IER5: variants seen among roughly 807,000 people sequenced by gnomAD.
IER5 encodes immediate early response gene 5 protein.
Under a neutral mutation model 8.2 loss-of-function variants are expected in IER5, and 3 were observed. The observed-to-expected ratio is 0.36, with a 90% CI of 0.17 to 0.94. The LOEUF is 0.94. IER5 is among the 40% of genes least tolerant of loss of function. IER5 has a pLI of 0.43. For missense variants in IER5, 531 were observed against 494.3 expected, an observed-to-expected ratio of 1.07 and a Z score of -0.70; for synonymous variants, 286 against 230.1, an observed-to-expected ratio of 1.24 and a Z score of -2.20.
chr1:181,089,275 G>A lies in IER5; in HGVS notation c.373G>A (p.Val125Ile). ...DEVPVATVTG[V>I]GDVFQGGEAD... Reference sequence around the variant, plus strand: ...GGTGCCGGTGGCCACGGTGACTGGAGTCGGGGACGTTTTTCAGGGCGGAGA... The same window carrying A: ...GGTGCCGGTGGCCACGGTGACTGGAATCGGGGACGTTTTTCAGGGCGGAGA... Residue 125 changes from valine to isoleucine, a missense_variant, in exon 1 of 1, where the codon GTC (valine) becomes ATC (isoleucine). By Grantham distance (29) the Val-to-Ile change is conservative. Coordinates refer to ENST00000367577, the MANE Select transcript of IER5 (RefSeq NM_016545.5). The A allele has an allele frequency of 2.6e-6, 4 of 1,559,498 alleles. No homozygotes were observed. The highest frequency in any genetic ancestry group is 1.2e-5 in the South Asian group (1 of 85,826).
Position 181,089,085 on chromosome 1 carries a change from T to C in IER5, c.183T>C (p.Ala61=). Residue 61 remains alanine, a synonymous_variant, in exon 1 of 1, where the codon GCT becomes GCC. Coordinates refer to ENST00000367577, the MANE Select transcript of IER5 (RefSeq NM_016545.5). ...PCPGLYLAGP[A]GTPAPPPQQQ... ...CCGGCCTCTACCTGGCCGGTCCCGC[T>C]GGGACCCCGGCGCCGCCACCGCAGC... The C allele has an allele frequency of 6.5e-7, 1 of 1,537,960 alleles. No homozygotes were observed. Among genetic ancestry groups the C allele is most frequent in the Non-Finnish European group, 8.7e-7 (1 of 1,145,574 alleles).
rs1486517898 is a variant in IER5, at chr1:181,090,330, C to T, written c.*444C>T. On this transcript the variant is annotated 3_prime_UTR_variant, in exon 1 of 1. Coordinates refer to ENST00000367577, the MANE Select transcript of IER5 (RefSeq NM_016545.5). ...TTTACACCTACCCCTCACCGGAAAG[C>T]TAGACCCGCTTCAGGGCCAGGAGTG... 5.2e-6 allele frequency: 1 copy of T among 191,848 alleles called. No homozygotes were observed. Among genetic ancestry groups the T allele is most frequent in the Admixed American group, 6.4e-5 (1 of 15,626 alleles). 11.9% of individuals were successfully genotyped at this position (191,848 alleles called of 1,614,324 possible). A position where few individuals can be genotyped will look rare whatever the true frequency, so the allele number is the denominator to read the frequency against.
In IER5 at chr1:181,089,601, G is replaced by C; in HGVS notation, c.699G>C (p.Ala233=). 2 of 1,601,484 alleles carry C rather than the reference G, an allele frequency of 1.2e-6. No individual in the cohort carries two copies. The highest frequency in any genetic ancestry group is 8.5e-7 in the Non-Finnish European group (1 of 1,175,102). ...GCGGCGGCCCAGCGGGCTGCCCGGCGCCCGGCTCGACCCCGCTCAAGAAGC... is the reference window on the plus strand; with the variant it reads ...GCGGCGGCCCAGCGGGCTGCCCGGCCCCCGGCTCGACCCCGCTCAAGAAGC... ...GVGGGPAGCP[A]PGSTPLKKPR... The change falls in exon 1 of 1, where the codon GCG becomes GCC. Residue 233 remains alanine (A), a synonymous_variant. Transcript: ENST00000367577.
At position 181,091,806 on chromosome 1, in the gene IER5, T is replaced by G. The variant is rs183366823; in HGVS notation, c.*1920T>G. ...GGAGAGATTGAAGAAAGACAAAGGT[T>G]TAAAGGTCATAGCCTTCGAGCATAA... On this transcript the variant is annotated 3_prime_UTR_variant, in exon 1 of 1. Coordinates refer to ENST00000367577, the MANE Select transcript of IER5 (RefSeq NM_016545.5). 1.3e-5 allele frequency: 2 copies of G among 152,338 alleles called. No individual in the cohort carries two copies. Among genetic ancestry groups the G allele is most frequent in the Admixed American group, 1.3e-4 (2 of 15,296 alleles). 9.4% of individuals were successfully genotyped at this position (152,338 alleles called of 1,614,324 possible).
chr1:181,089,531 C>T lies in IER5; in HGVS notation c.629C>T (p.Ala210Val), dbSNP rs1659416278. 5 of 1,281,916 alleles carry T rather than the reference C, an allele frequency of 3.9e-6. 1 individual carries two copies. Among genetic ancestry groups the T allele is most frequent in the Admixed American group, 8.2e-5 (2 of 24,460 alleles). The allele number at this position is 1,281,916 out of a possible 1,614,324, so 79.4% of individuals were successfully genotyped here. A position where few individuals can be genotyped will look rare whatever the true frequency, so the allele number is the denominator to read the frequency against. ...CAACCAGCGGAGGACGAGCCCCCCGCGCCGCCCGCGGTGTGCCCCAGGAAG... is the reference window on the plus strand; with the variant it reads ...CAACCAGCGGAGGACGAGCCCCCCGTGCCGCCCGCGGTGTGCCCCAGGAAG... ...APQPAEDEPP[A>V]PPAVCPRKRC... The change falls in exon 1 of 1, where the codon GCG (alanine) becomes GTG (valine). Residue 210 changes from alanine (A) to valine (V), a missense_variant. Physicochemically the swap from Ala to Val is moderately conservative, Grantham distance 64. Coordinates refer to ENST00000367577, the MANE Select transcript of IER5 (RefSeq NM_016545.5).
Position 181,091,064 on chromosome 1 carries a change from G to A in IER5, c.*1178G>A, listed in dbSNP as rs1308045957. The A allele has an allele frequency of 6.6e-6, 1 of 152,050 alleles. No homozygotes were observed. Among genetic ancestry groups the A allele is most frequent in the Admixed American group, 6.6e-5 (1 of 15,264 alleles). The allele number at this position is 152,050 out of a possible 1,614,324, so 9.4% of individuals were successfully genotyped here. On this transcript the variant is annotated 3_prime_UTR_variant, in exon 1 of 1. Transcript: ENST00000367577. The stretch of plus-strand genomic sequence containing the variant: ...GATACTAATATCGGCGACCTGTCAG[G>A]TTCTAGAAACCTGCCACTACAACTG...
Position 181,089,494 on chromosome 1 carries a change from T to A in IER5, c.592T>A (p.Cys198Ser). 1 of 1,326,394 alleles carries A rather than the reference T, an allele frequency of 7.5e-7. No homozygotes were observed. The highest frequency in any genetic ancestry group is 9.6e-7 in the Non-Finnish European group (1 of 1,036,484). The allele number at this position is 1,326,394 out of a possible 1,614,324, so 82.2% of individuals were successfully genotyped here. ...GGCCGCGACCCCCCGCGCTGCCTGC[T>A]GCTGCGCGCCGCAACCAGCGGAGGA... ...TPAATPRAAC[C>S]CAPQPAEDEP... Residue 198 changes from cysteine to serine, a missense_variant, in exon 1 of 1, where the codon TGC becomes AGC. By Grantham distance (112) the Cys-to-Ser change is moderately radical (BLOSUM62 -1). Transcript: ENST00000367577.
rs1659385267 is a variant in IER5 at position 181,088,717 on chromosome 1, G to A, written c.-186G>A. ...GCTGCCCTGTTTAGCGACCGGACCC[G>A]AAACGGGGAAGTTGTCTTGTTTGGA... On this transcript the variant is annotated 5_prime_UTR_variant, in exon 1 of 1. Coordinates refer to ENST00000367577, the MANE Select transcript of IER5 (RefSeq NM_016545.5). 2.5e-5 allele frequency: 15 copies of A among 592,264 alleles called. No homozygotes were observed. In the East Asian group the frequency reaches 4.0e-4, roughly 16 times the overall value. The allele number at this position is 592,264 out of a possible 1,614,324, so 36.7% of individuals were successfully genotyped here.
rs141671790 is a variant in IER5, at chr1:181,089,954, C to T, written c.*68C>T. On this transcript the variant is annotated 3_prime_UTR_variant, in exon 1 of 1. Transcript: ENST00000367577. ...CCCCGAAGTGAGGGCCAGGCCCTTC[C>T]CGGCTGCGAGGACGCCCAGAGACCG... The T allele has an allele frequency of 4.8e-3, 7,535 of 1,559,154 alleles. 18 individuals carry two copies. The highest frequency in any genetic ancestry group is 6.0e-3 in the Non-Finnish European group (6,990 of 1,156,490).
chr1:181,089,290 C>G lies in IER5; in HGVS notation c.388C>G (p.Gln130Glu). ...GGTGACTGGAGTCGGGGACGTTTTT[C>G]AGGGCGGAGAGGCGGACGCGACGGA... ...ATVTGVGDVF[Q>E]GGEADATEAA... The change falls in exon 1 of 1, where the codon CAG becomes GAG. Residue 130 changes from glutamine (Q) to glutamate (E), a missense_variant. By Grantham distance (29) the Gln-to-Glu change is conservative. Coordinates refer to ENST00000367577, the MANE Select transcript of IER5 (RefSeq NM_016545.5). The G allele has an allele frequency of 6.4e-7, 1 of 1,557,586 alleles. No individual in the cohort carries two copies. The highest frequency in any genetic ancestry group is 8.7e-7 in the Non-Finnish European group (1 of 1,154,122).
chr1:181,089,838 G>C lies in IER5; in HGVS notation c.936G>C (p.Pro312=), dbSNP rs1213089124. The C allele has an allele frequency of 6.2e-7, 1 of 1,613,518 alleles. No individual in the cohort carries two copies. Among genetic ancestry groups the C allele is most frequent in the African/African-American group, 1.3e-5 (1 of 74,938 alleles). ...AEPGQICCDK[P]VLRDMNPWST... ...CCGGGCAGATCTGCTGCGATAAGCCGGTGCTGAGAGACATGAACCCCTGGA... is the reference window on the plus strand; with the variant it reads ...CCGGGCAGATCTGCTGCGATAAGCCCGTGCTGAGAGACATGAACCCCTGGA... The change falls in exon 1 of 1, where the codon CCG becomes CCC. Residue 312 remains proline, a synonymous_variant. Coordinates refer to ENST00000367577, the MANE Select transcript of IER5 (RefSeq NM_016545.5).
chr1:181,088,836 C>T lies in IER5; in HGVS notation c.-67C>T, dbSNP rs958405033. On this transcript the variant is annotated 5_prime_UTR_variant, in exon 1 of 1. Transcript: ENST00000367577. ...TGCCCAGGGGGCGGACTTGTTTGCG[C>T]CTCCCGTTCCCTCCCAATTTCCAAA... 7 of 1,539,572 alleles carry T rather than the reference C, an allele frequency of 4.5e-6. No homozygotes were observed. The South Asian group carries it at 6.8e-5, about 15-fold the overall frequency.
rs1475635256 is a variant in IER5 at position 181,090,048 on chromosome 1, CTT to C, written c.*163_*164del. On this transcript the variant is annotated 3_prime_UTR_variant, in exon 1 of 1. Transcript: ENST00000367577. Reference sequence around the variant, plus strand: ...GCAAACTGCCCCCGGGCGCATCTGGCTTATCTGGAGACCTGGGAGCTTGAGGC... The same window carrying C: ...GCAAACTGCCCCCGGGCGCATCTGGCATCTGGAGACCTGGGAGCTTGAGGC... The C allele has an allele frequency of 9.6e-6, 8 of 837,000 alleles. No homozygotes were observed. In the East Asian group the frequency reaches 2.1e-4, roughly 22 times the overall value. The allele number at this position is 837,000 out of a possible 1,614,324, so 51.8% of individuals were successfully genotyped here.
chr1:181,091,256 GAAA>G lies in IER5; in HGVS notation c.*1379_*1381del, dbSNP rs60601152. On this transcript the variant is annotated 3_prime_UTR_variant, in exon 1 of 1. Transcript: ENST00000367577. The stretch of plus-strand genomic sequence containing the variant: ...CGGGTCATCTTTTAGCTTTGTAATT[GAAA>G]AAAAAAAAGTTTAGATAGTAGTTTA... The G allele has an allele frequency of 6.9e-6, 1 of 144,012 alleles. No homozygotes were observed. The highest frequency in any genetic ancestry group is 2.6e-5 in the African/African-American group (1 of 39,194). The allele number at this position is 144,012 out of a possible 1,614,324, so 8.9% of individuals were successfully genotyped here.
At position 181,088,825 on chromosome 1, in the gene IER5, A is replaced by G; in HGVS notation, c.-78A>G. The G allele has an allele frequency of 1.9e-6, 2 of 1,026,318 alleles. No homozygotes were observed. Among genetic ancestry groups the G allele is most frequent in the Non-Finnish European group, 1.4e-6 (1 of 716,682 alleles). 63.6% of individuals were successfully genotyped at this position (1,026,318 alleles called of 1,614,324 possible). A position where few individuals can be genotyped will look rare whatever the true frequency, so the allele number is the denominator to read the frequency against. ...GATCGAGGGTGTGCCCAGGGGGCGG[A>G]CTTGTTTGCGCCTCCCGTTCCCTCC... is the stretch of plus-strand genomic sequence containing the variant. On this transcript the variant is annotated 5_prime_UTR_variant, in exon 1 of 1. Coordinates refer to ENST00000367577, the MANE Select transcript of IER5 (RefSeq NM_016545.5).
Position 181,089,751 on chromosome 1 carries a change from A to G in IER5, c.849A>G (p.Lys283=). The change falls in exon 1 of 1, where the codon AAA becomes AAG. Residue 283 remains lysine (K), a synonymous_variant. Coordinates refer to ENST00000367577, the MANE Select transcript of IER5 (RefSeq NM_016545.5). ...CCAGTTTCTCGGGACTCCTACGGAA[A>G]AGCCCCGGGGGCGGCAGAGAGGAAG... is the stretch of plus-strand genomic sequence containing the variant. ...FGSSFSGLLR[K]SPGGGREEEE... The G allele has an allele frequency of 1.2e-6, 2 of 1,613,916 alleles. No individual in the cohort carries two copies. Among genetic ancestry groups the G allele is most frequent in the Non-Finnish European group, 1.7e-6 (2 of 1,179,968 alleles).
rs1558134521 is a variant in IER5, at chr1:181,089,601, G to GCCCGGCT, written c.701_707dup (p.Thr237ArgfsTer34). 1.2e-6 allele frequency: 2 copies of GCCCGGCT among 1,601,484 alleles called. No homozygotes were observed. Among genetic ancestry groups the GCCCGGCT allele is most frequent in the Non-Finnish European group, 8.5e-7 (1 of 1,175,102 alleles). On this transcript the variant is annotated frameshift_variant, in exon 1 of 1. Coordinates refer to ENST00000367577, the MANE Select transcript of IER5 (RefSeq NM_016545.5). LOFTEE classifies it high-confidence loss of function. ...GCGGCGGCCCAGCGGGCTGCCCGGC[G>GCCCGGCT]CCCGGCTCGACCCCGCTCAAGAAGC...
At position 181,089,055 on chromosome 1, in the gene IER5, G is replaced by C. The variant is rs61809229; in HGVS notation, c.153G>C (p.Pro51=). ...CCCGCCAAGTCTACCTGAGCGACCCGTGCCCCGGCCTCTACCTGGCCGGTC... is the reference window on the plus strand; with the variant it reads ...CCCGCCAAGTCTACCTGAGCGACCCCTGCCCCGGCCTCTACCTGGCCGGTC... ...RSARQVYLSD[P]CPGLYLAGPA... is the part of the protein sequence containing the mutation. The change falls in exon 1 of 1, where the codon CCG becomes CCC. Residue 51 remains proline (P), a synonymous_variant. Transcript: ENST00000367577. The C allele has an allele frequency of 6.2e-7, 1 of 1,604,272 alleles. No individual in the cohort carries two copies. Among genetic ancestry groups the C allele is most frequent in the Non-Finnish European group, 8.5e-7 (1 of 1,176,384 alleles).
In IER5 at chr1:181,089,900, C is replaced by T; in HGVS notation, c.*14C>T. 2 of 1,609,214 alleles carry T rather than the reference C, an allele frequency of 1.2e-6. No homozygotes were observed. The highest frequency in any genetic ancestry group is 2.2e-5 in the South Asian group (2 of 90,584). On this transcript the variant is annotated 3_prime_UTR_variant, in exon 1 of 1. Transcript: ENST00000367577. ...GTGGCCTTCTGAGCCCTTGGCCCCCCTGCGGGGAGGAGGTGGAGCAGCGGG... is the reference window on the plus strand; with the variant it reads ...GTGGCCTTCTGAGCCCTTGGCCCCCTTGCGGGGAGGAGGTGGAGCAGCGGG...
Sources: gnomAD v4.1 joint callset for allele counts on GRCh38, gnomAD v4.1.1 for gene constraint, MANE v1.5 for transcripts, NCBI Gene and HGNC (gene_info 2026-07-23, HGNC 2026-07-21) for gene names.